Variants in TPRG1L observed in about 807,000 individuals in gnomAD.
TPRG1L encodes the protein tumor protein p63 regulated 1 like, also known as tumor protein p63-regulated gene 1-like protein.
Under a neutral mutation model 29.4 loss-of-function variants are expected in TPRG1L, and 25 were observed. That is an observed-to-expected ratio of 0.85 (90% CI 0.62 to 1.19). The LOEUF is 1.19. Among genes scored for constraint, TPRG1L ranks in the 50% most tolerant of loss-of-function variants. The pLI, the probability that TPRG1L is intolerant of heterozygous loss-of-function variation, is 0.00. For missense variants in TPRG1L, 354 were observed against 364.4 expected (o/e 0.97, Z 0.23); for synonymous variants, 182 against 151.1 (o/e 1.20, Z -1.50).
In TPRG1L at chr1:3,628,608, T is replaced by G; in HGVS notation, c.*5T>G. 6.3e-7 allele frequency: 1 copy of G among 1,585,194 alleles called. No homozygotes were observed. ...AGGGGCAAAATAGGCTTTTAGCCGC[T>G]GCGTTCTGGGAGCTCCTCCCCCTTC... On this transcript the variant is annotated 3_prime_UTR_variant, in exon 5 of 5. Transcript: ENST00000378344.
In TPRG1L at chr1:3,627,661, G is replaced by C; in HGVS notation, c.624+8G>C. On this transcript the variant is annotated splice_region_variant and intron_variant, in intron 4 of 4. Transcript: ENST00000378344. ...ACAGCATCTCTGTGTCAGGTAAGAA[G>C]ACAGGCACATAAATAGCCGCGCCCC... 6.2e-7 allele frequency: 1 copy of C among 1,601,938 alleles called. No homozygotes were observed. The highest frequency in any genetic ancestry group is 8.5e-7 in the Non-Finnish European group (1 of 1,177,144).
chr1:3,625,963 C>T, intron 3 of TPRG1L, 74 bp downstream of exon 3: 2 of 1,412,454 alleles, frequency 1.4e-6, no homozygotes, highest in Non-Finnish European at 1.9e-6. Context: ...CCTTTTAAAT[C>T]AGCCCCCCAA....
intron 2 of TPRG1L, 27 bp downstream of exon 2, chr1:3,625,542 TG>T (rs3838971): frequency 2.5e-6 from 4 of 1,585,546 alleles, no homozygotes; most frequent in Non-Finnish European, 2.6e-6. Context: ...CTCTCCTTGG[TG>T]GGGGGACTCG....
chr1:3,625,287 C>CA lies in TPRG1L; in HGVS notation c.201+15dup, dbSNP rs901277646. ...TTCGTGTTCCGGGTGAGGCAGGGGCCAGGGCCGGGGCGGGGGCCGAGGGCG... is the reference window on the plus strand; with the variant it reads ...TTCGTGTTCCGGGTGAGGCAGGGGCCAAGGGCCGGGGCGGGGGCCGAGGGCG... On this transcript the variant is annotated intron_variant, in intron 1 of 4. Transcript: ENST00000378344. 3.5e-6 allele frequency: 5 copies of CA among 1,419,370 alleles called. No individual in the cohort carries two copies. The African/African-American group carries it at 7.7e-5, about 22-fold the overall frequency. The allele number at this position is 1,419,370 out of a possible 1,614,324, so 87.9% of individuals were successfully genotyped here.
intron 3 of TPRG1L, among the ~76,000 whole-genome samples, chr1:3,626,392 C>T (rs1022900172): frequency 1.3e-4 from 20 of 152,050 alleles, no homozygotes; most frequent in Admixed American, 8.5e-4. Context: ...AATTTTCTGA[C>T]GTGAGGAACC....
Position 3,628,622 on chromosome 1 carries a change from TC to T in TPRG1L, c.*21del, listed in dbSNP as rs1445841927. 7.2e-5 allele frequency: 3 copies of T among 41,832 alleles called. No individual in the cohort carries two copies. The highest frequency in any genetic ancestry group is 8.6e-5 in the Non-Finnish European group (3 of 34,748). The allele number at this position is 41,832 out of a possible 1,614,324, so 2.6% of individuals were successfully genotyped here. A position where few individuals can be genotyped will look rare whatever the true frequency, so the allele number is the denominator to read the frequency against. On this transcript the variant is annotated 3_prime_UTR_variant, in exon 5 of 5. Transcript: ENST00000378344. ...CTTTTAGCCGCTGCGTTCTGGGAGC[TC>T]CTCCCCCTTCTGGGAGCTCCTCCCC... is the stretch of plus-strand genomic sequence containing the variant.
chr1:3,628,552 C>A lies in TPRG1L; in HGVS notation c.768C>A (p.Asn256Lys). 6.2e-7 allele frequency: 1 copy of A among 1,613,252 alleles called. No homozygotes were observed. Among genetic ancestry groups the A allele is most frequent in the Non-Finnish European group, 8.5e-7 (1 of 1,179,548 alleles). ...ETYVGLMSFINNEAKLGYSMT... is the reference protein window; with the variant it reads ...ETYVGLMSFIKNEAKLGYSMT... The stretch of plus-strand genomic sequence containing the variant: ...ACGTGGGACTCATGTCCTTCATTAA[C>A]AACGAGGCGAAACTGGGCTACTCCA... The change falls in exon 5 of 5, where the codon AAC becomes AAA. Residue 256 changes from asparagine to lysine, a missense_variant. Coordinates refer to ENST00000378344, the MANE Select transcript of TPRG1L (RefSeq NM_182752.4).
chr1:3,625,182 G>C lies in TPRG1L; in HGVS notation c.110G>C (p.Gly37Ala). ...AGGGPGGGRP[G>A]AGTPLRQTLW... ...GGCGGCCCGGGCGGGGGGCGGCCGG[G>C]GGCGGGGACGCCGCTGCGCCAGACA... Residue 37 changes from glycine to alanine, a missense_variant, in exon 1 of 5, where the codon GGG becomes GCG. By Grantham distance (60) the Gly-to-Ala change is moderately conservative. Transcript: ENST00000378344. The C allele has an allele frequency of 8.0e-7, 1 of 1,246,938 alleles. No homozygotes were observed. The highest frequency in any genetic ancestry group is 1.6e-5 in the African/African-American group (1 of 63,736). 77.2% of individuals were successfully genotyped at this position (1,246,938 alleles called of 1,614,324 possible).
chr1:3,626,916 TACCA>T (rs1366261962), intron 3 of TPRG1L, among the ~76,000 whole-genome samples: 2 of 152,190 alleles, frequency 1.3e-5, no homozygotes, highest in Admixed American at 1.3e-4. Flanking sequence ...ATGTAAAGAT[TACCA>T]AAATAATACA....
intron 4 of TPRG1L, 29 bp downstream of exon 4, chr1:3,627,682 GCCCCCCGCAGTGATGGAAACA>G (rs1354749351): frequency 3.1e-6 from 5 of 1,610,498 alleles, no homozygotes; most frequent in East Asian, 4.5e-5. Flanking sequence ...AAATAGCCGC[GCCCCCCGCAGTGATGGAAACA>G]CCCCCCGCAG....
rs761497494 is a variant in TPRG1L, at chr1:3,625,685, TG to T, written c.294-26del. ...TAAGTCGAGACAGCCGCGTCCAGTG[TG>T]GACTGAGGCCCCTCCTCTGCCTACA... On this transcript the variant is annotated intron_variant, in intron 2 of 4. Coordinates refer to ENST00000378344, the MANE Select transcript of TPRG1L (RefSeq NM_182752.4). 6.0e-5 allele frequency: 96 copies of T among 1,599,432 alleles called. 1 individual carries two copies. The Middle Eastern group carries it at 1.2e-3, about 20-fold the overall frequency.
At position 3,628,729 on chromosome 1, in the gene TPRG1L, G is replaced by A; in HGVS notation, c.*126G>A. The A allele has an allele frequency of 1.1e-6, 1 of 880,292 alleles. No individual in the cohort carries two copies. Among genetic ancestry groups the A allele is most frequent in the South Asian group, 1.9e-5 (1 of 52,646 alleles). The allele number at this position is 880,292 out of a possible 1,614,324, so 54.5% of individuals were successfully genotyped here. ...TCATGCTGCCCTGCTGCTGCTGGAA[G>A]GATGGGGATCTTTCACCTTTAGGGA... On this transcript the variant is annotated 3_prime_UTR_variant, in exon 5 of 5. Coordinates refer to ENST00000378344, the MANE Select transcript of TPRG1L (RefSeq NM_182752.4).
Position 3,627,597 on chromosome 1 carries a change from A to G in TPRG1L, c.568A>G (p.Thr190Ala). 6.2e-7 allele frequency: 1 copy of G among 1,614,026 alleles called. No homozygotes were observed. The highest frequency in any genetic ancestry group is 1.3e-5 in the African/African-American group (1 of 75,054). The change falls in exon 4 of 5, where the codon ACT becomes GCT. Residue 190 changes from threonine to alanine, a missense_variant. By Grantham distance (58) the Thr-to-Ala change is moderately conservative. Coordinates refer to ENST00000378344, the MANE Select transcript of TPRG1L (RefSeq NM_182752.4). ...CTGGTCTACCAACGTGCCCTATGCC[A>G]CTTTCACAGAACACCCGATGGCTGG... is the stretch of plus-strand genomic sequence containing the variant. Reference protein sequence around the residue: ...NPWSTNVPYATFTEHPMAGAD... With the variant: ...NPWSTNVPYAAFTEHPMAGAD...
Position 3,625,461 on chromosome 1 carries a change from T to G in TPRG1L, c.239T>G (p.Val80Gly), listed in dbSNP as rs2101943909. 1.2e-6 allele frequency: 2 copies of G among 1,606,136 alleles called. No individual in the cohort carries two copies. Among genetic ancestry groups the G allele is most frequent in the Non-Finnish European group, 1.7e-6 (2 of 1,177,312 alleles). The part of the protein sequence containing the change: ...SIEQAVEEIR[V>G]VVRPVEDGEI... ...GAGCAGGCAGTGGAGGAGATCCGCG[T>G]GGTGGTGCGGCCCGTGGAGGACGGC... Residue 80 changes from valine (V) to glycine (G), a missense_variant, in exon 2 of 5, where the codon GTG (valine) becomes GGG (glycine). Val to Gly is a moderately radical substitution (Grantham distance 109). Transcript: ENST00000378344.
chr1:3,628,049 C>A (rs944214536), intron 4 of TPRG1L, among the ~76,000 whole-genome samples: 11 of 152,232 alleles, frequency 7.2e-5, no homozygotes, highest in Non-Finnish European at 1.5e-4. Flanking sequence ...AGCCCAGAGC[C>A]CAGAGCCTGG....
At chr1:3,626,843 C>T (rs575294742) in intron 3 of TPRG1L, among the ~76,000 whole-genome samples, 2 of 152,152 alleles carry the variant, frequency 1.3e-5, no homozygotes, top group East Asian at 1.9e-4. Flanking sequence ...CCTCCCAAAG[C>T]GCTGGGATTA....
At position 3,625,098 on chromosome 1, in the gene TPRG1L, A is replaced by G; in HGVS notation, c.26A>G (p.Asp9Gly). The G allele has an allele frequency of 1.6e-6, 2 of 1,214,898 alleles. No individual in the cohort carries two copies. Among genetic ancestry groups the G allele is most frequent in the Non-Finnish European group, 2.1e-6 (2 of 970,656 alleles). The allele number at this position is 1,214,898 out of a possible 1,614,324, so 75.3% of individuals were successfully genotyped here. A position where few individuals can be genotyped will look rare whatever the true frequency, so the allele number is the denominator to read the frequency against. ...ATGCTGCAACTGCGGGACTCGGTGG[A>G]CTCGGCCGGTACGAGCCCCACGGCG... MLQLRDSV[D>G]SAGTSPTAVL... is the part of the protein sequence containing the mutation. The change falls in exon 1 of 5, where the codon GAC (aspartate) becomes GGC (glycine). Residue 9 changes from aspartate (D) to glycine (G), a missense_variant. Physicochemically the swap from Asp to Gly is moderately conservative, Grantham distance 94. Coordinates refer to ENST00000378344, the MANE Select transcript of TPRG1L (RefSeq NM_182752.4).
At position 3,625,113 on chromosome 1, in the gene TPRG1L, GC is replaced by G; in HGVS notation, c.45del (p.Thr16ArgfsTer120). 1 of 1,225,876 alleles carries G rather than the reference GC, an allele frequency of 8.2e-7. No homozygotes were observed. The highest frequency in any genetic ancestry group is 1.0e-6 in the Non-Finnish European group (1 of 977,490). 75.9% of individuals were successfully genotyped at this position (1,225,876 alleles called of 1,614,324 possible). On this transcript the variant is annotated frameshift_variant, in exon 1 of 5. Coordinates refer to ENST00000378344, the MANE Select transcript of TPRG1L (RefSeq NM_182752.4). LOFTEE classifies it high-confidence loss of function. The stretch of plus-strand genomic sequence containing the variant: ...GACTCGGTGGACTCGGCCGGTACGA[GC>G]CCCACGGCGGTGCTGGCGGCCGGCG... ...LRDSVDSAGT[S>X]PTAVLAAGEE... is the part of the protein sequence containing the mutation.
In TPRG1L at chr1:3,625,408, C is replaced by T; in HGVS notation, c.202-16C>T. 6.3e-7 allele frequency: 1 copy of T among 1,575,194 alleles called. No individual in the cohort carries two copies. Among genetic ancestry groups the T allele is most frequent in the Non-Finnish European group, 8.6e-7 (1 of 1,161,584 alleles). On this transcript the variant is annotated splice_polypyrimidine_tract_variant and intron_variant, in intron 1 of 4. Transcript: ENST00000378344. ...TGTGATCTTTGCCCCCGTCCCCCACCCCGCAACCCGCCCAGCCCGGCAGCA... is the reference window on the plus strand; with the variant it reads ...TGTGATCTTTGCCCCCGTCCCCCACTCCGCAACCCGCCCAGCCCGGCAGCA...
Sources: gnomAD v4.1 joint callset for allele counts (sites outside exome capture counted in the v4.1 genomes callset) on GRCh38, gnomAD v4.1.1 for gene constraint, MANE v1.5 for transcripts, NCBI Gene and HGNC (gene_info 2026-07-23, HGNC 2026-07-21) for gene names.